HPCAL1: variants seen among roughly 807,000 people sequenced by gnomAD.
HPCAL1 encodes the protein hippocalcin like 1, also known as hippocalcin-like protein 1.
HPCAL1 carries 8 observed loss-of-function variants against 17.1 expected under a neutral mutation model. The ratio of observed to expected loss-of-function variants is 0.47; its 90% CI spans 0.27 to 0.84. The LOEUF (loss-of-function observed/expected upper bound fraction) is 0.84. Among genes scored for constraint, HPCAL1 ranks in the 40% least tolerant of loss-of-function variants. The pLI is 0.13. For synonymous variants in HPCAL1, 112 were observed against 111.4 expected (o/e 1.01, Z -0.03); for missense variants, 165 against 271.1 (o/e 0.61, Z 2.75).
At chr2:10,420,167 C>T (rs1244963217) in intron 3 of HPCAL1, 32 bp downstream of exon 3, 8 of 1,447,874 alleles carry the variant, frequency 5.5e-6, no homozygotes, top group South Asian at 1.2e-5. Flanking sequence ...GGTCTCACCG[C>T]GGGCCCAGGT....
At chr2:10,410,973 C>T (rs1670320966) in intron 2 of HPCAL1, among the ~76,000 whole-genome samples, 1 of 151,252 alleles carries the variant, frequency 6.6e-6, no homozygotes, top group South Asian at 2.1e-4. Context: ...TCGGGCCCGA[C>T]AGCCTCCAGG....
At position 10,365,799 on chromosome 2, in the gene HPCAL1, T is replaced by C. The variant is rs569758498; in HGVS notation, c.-110-31036T>C. Among the ~76,000 whole-genome samples the C allele has an allele frequency of 6.6e-6, 1 of 152,266 alleles. No homozygotes were observed. ...AGGGGGTGCGGGTGGCCCTCCAGACTGGACCTAGGCCTGCTGCATTCTGGG... is the reference window on the plus strand; with the variant it reads ...AGGGGGTGCGGGTGGCCCTCCAGACCGGACCTAGGCCTGCTGCATTCTGGG... On this transcript the variant is annotated intron_variant, in intron 1 of 4. Transcript: ENST00000307845. This position sits in a 1 kb window ranked among gnomAD's most constrained non-coding sequence, Gnocchi z 4.8.
Position 10,410,969 on chromosome 2 carries a change from C to T in HPCAL1, c.-24-8765C>T, listed in dbSNP as rs116459276. 5.5e-3 allele frequency among the ~76,000 whole-genome samples: 830 copies of T among 150,906 alleles called. 9 individuals are homozygous for T. The highest frequency in any genetic ancestry group is 0.019 in the African/African-American group (783 of 41,228). On this transcript the variant is annotated intron_variant, in intron 2 of 4. Transcript: ENST00000307845. ...TCTTGTGAGGCAGCCTGCGTCGGGC[C>T]CGACAGCCTCCAGGAGAGAGCTAAA...
chr2:10,405,929 G>A (rs953563572), intron 2 of HPCAL1, among the ~76,000 whole-genome samples: 6 of 152,226 alleles, frequency 3.9e-5, no homozygotes, highest in Admixed American at 3.9e-4. Flanking sequence ...GACGTTGGGT[G>A]ATTCACATGG....
At chr2:10,322,171 C>A (rs1663707975) in intron 1 of HPCAL1, among the ~76,000 whole-genome samples, 1 of 152,090 alleles carries the variant, frequency 6.6e-6, no homozygotes, top group Non-Finnish European at 1.5e-5. Context: ...TACAGGCATA[C>A]CCCATCATTC....
chr2:10,357,850 C>T (rs1410414238), intron 1 of HPCAL1, among the ~76,000 whole-genome samples: 1 of 144,478 alleles, frequency 6.9e-6, no homozygotes, highest in Admixed American at 7.0e-5. Context: ...AAAAAAAAAG[C>T]GTGCTATGCC....
chr2:10,349,574 G>A (rs2125460054), intron 1 of HPCAL1, among the ~76,000 whole-genome samples: 1 of 151,156 alleles, frequency 6.6e-6, no homozygotes, highest in South Asian at 2.1e-4. Flanking sequence ...GTGGTGGCGG[G>A]CACCTGTAGT....
At position 10,394,269 on chromosome 2, in the gene HPCAL1, A is replaced by G. The variant is rs1046550588; in HGVS notation, c.-110-2566A>G. ...TGTCCCGGAGTCTCTTTCCTTCTCCATAAACAGTTGAGAATGAGCTCTCTG... is the reference window on the plus strand; with the variant it reads ...TGTCCCGGAGTCTCTTTCCTTCTCCGTAAACAGTTGAGAATGAGCTCTCTG... On this transcript the variant is annotated intron_variant, in intron 1 of 4. Transcript: ENST00000307845. This position sits in a 1 kb window ranked among gnomAD's most constrained non-coding sequence, Gnocchi z 5.0. 4.6e-5 allele frequency among the ~76,000 whole-genome samples: 7 copies of G among 152,132 alleles called. No individual in the cohort carries two copies. The highest frequency in any genetic ancestry group is 8.8e-5 in the Non-Finnish European group (6 of 68,038).
intron 4 of HPCAL1, chr2:10,424,945 T>G: frequency 1.2e-5 from 3 of 243,974 alleles, no homozygotes; most frequent in East Asian, 1.0e-4. Flanking sequence ...AAAGCCACCC[T>G]CTCCTCAGCT....
Position 10,373,749 on chromosome 2 carries a change from C to G in HPCAL1, c.-110-23086C>G, listed in dbSNP as rs1667375649. ...ACAGGCCCCCCACAGCAGCCCAGCC[C>G]AGGCCACCAGCACCACCCCCAGAGG... On this transcript the variant is annotated intron_variant, in intron 1 of 4. Transcript: ENST00000307845. 2.6e-5 allele frequency among the ~76,000 whole-genome samples: 4 copies of G among 152,100 alleles called. No individual in the cohort carries two copies. The South Asian group carries it at 8.3e-4, about 32-fold the overall frequency.
At chr2:10,399,539 CACCATCACCGCCACCACT>C (rs1375955900) in intron 2 of HPCAL1, among the ~76,000 whole-genome samples, 15 of 121,674 alleles carry the variant, frequency 1.2e-4, no homozygotes, top group African/African-American at 3.3e-4. Flanking sequence ...CTGCCACCGC[CACCATCACCGCCACCACT>C]ACCGCCACCG....
intron 1 of HPCAL1, among the ~76,000 whole-genome samples, chr2:10,351,859 G>A (rs12990794): frequency 6.6e-6 from 1 of 151,664 alleles, no homozygotes; most frequent in African/African-American, 2.4e-5. Context: ...AGCGATGGTT[G>A]CACAGTTGTG....
chr2:10,418,115 G>A (rs1273657034), intron 2 of HPCAL1, among the ~76,000 whole-genome samples: 2 of 151,996 alleles, frequency 1.3e-5, no homozygotes, highest in Non-Finnish European at 2.9e-5. Context: ...AAACATGTAT[G>A]TACTATAAAA....
At chr2:10,421,634 A>G (rs1376986411) in intron 3 of HPCAL1, among the ~76,000 whole-genome samples, 1 of 152,198 alleles carries the variant, frequency 6.6e-6, no homozygotes, top group Non-Finnish European at 1.5e-5. Context: ...CCAGGAGTTC[A>G]AGGTGACAGT....
In HPCAL1 at chr2:10,330,994, G is replaced by GC. The variant is rs1664333917; in HGVS notation, c.-111+27821dup. 6.6e-6 allele frequency among the ~76,000 whole-genome samples: 1 copy of GC among 152,140 alleles called. No individual in the cohort carries two copies. Among genetic ancestry groups the GC allele is most frequent in the African/African-American group, 2.4e-5 (1 of 41,428 alleles). On this transcript the variant is annotated intron_variant, in intron 1 of 4. Transcript: ENST00000307845. This position sits in a 1 kb window ranked among gnomAD's most constrained non-coding sequence, Gnocchi z 4.2. ...GCCTGTTGCTTGTGCCTCCTTTGCAGCCCCGGCCTCTCCAGTTCTCTGTGT... is the reference window on the plus strand; with the variant it reads ...GCCTGTTGCTTGTGCCTCCTTTGCAGCCCCCGGCCTCTCCAGTTCTCTGTGT...
chr2:10,390,447 T>A (rs1043947207), intron 1 of HPCAL1, among the ~76,000 whole-genome samples: 3 of 152,222 alleles, frequency 2.0e-5, no homozygotes, highest in South Asian at 2.1e-4. Flanking sequence ...ATTAGTCATT[T>A]GAAAACCAGT....
intron 2 of HPCAL1, among the ~76,000 whole-genome samples, chr2:10,412,015 A>C: frequency 6.6e-6 from 1 of 152,204 alleles, no homozygotes; most frequent in Non-Finnish European, 1.5e-5. Flanking sequence ...GAGTCGCAGT[A>C]CAGGGTTCCA....
intron 3 of HPCAL1, 52 bp from the exon 4 acceptor site, chr2:10,422,931 C>T: frequency 7.4e-7 from 1 of 1,360,144 alleles, no homozygotes; most frequent in Non-Finnish European, 1.0e-6. Context: ...CCTTGCTGCA[C>T]CCGCCCAAGC....
chr2:10,307,630 G>A (rs1662706515), intron 1 of HPCAL1, among the ~76,000 whole-genome samples: 1 of 152,208 alleles, frequency 6.6e-6, no homozygotes, highest in Admixed American at 6.5e-5. Context: ...GTTAAAGCTA[G>A]AAATCTCTGG....
Sources: gnomAD v4.1 joint callset for allele counts (sites outside exome capture counted in the v4.1 genomes callset) on GRCh38, gnomAD v4.1.1 for gene constraint, Gnocchi (gnomAD v3.1) non-coding constraint, MANE v1.5 for transcripts, NCBI Gene and HGNC (gene_info 2026-07-23, HGNC 2026-07-21) for gene names.